Variants in HECW1 observed in about 807,000 individuals in gnomAD.
HECW1 encodes the protein E3 ubiquitin-protein ligase HECW1.
In HECW1, 61 loss-of-function variants were observed where a neutral mutation model predicts 182.3. That is an observed-to-expected ratio of 0.33 (90% CI 0.27 to 0.41). The LOEUF is 0.41. Ranked by LOEUF, HECW1 falls within the 10% of genes least tolerant of loss-of-function variation. HECW1 has a pLI of 1.00. For synonymous variants in HECW1, 859 were observed against 832.6 expected, an observed-to-expected ratio of 1.03 and a Z score of -0.55; for missense variants, 1,739 against 2,108.9, an observed-to-expected ratio of 0.82 and a Z score of 3.44.
chr7:43,251,367 T>C (rs1418835857), intron 3 of HECW1, among the ~76,000 whole-genome samples: 1 of 152,202 alleles, frequency 6.6e-6, no homozygotes, highest in Non-Finnish European at 1.5e-5. Context: ...TGGAGTGCGA[T>C]AGCGCGGCCT....
intron 13 of HECW1, among the ~76,000 whole-genome samples, chr7:43,463,274 G>A (rs1036164053): frequency 3.9e-5 from 6 of 152,162 alleles, no homozygotes; most frequent in African/African-American, 1.4e-4. Flanking sequence ...AGCCCAGTTT[G>A]TACACTTATT....
chr7:43,289,056 A>G (rs1805033005), intron 3 of HECW1, among the ~76,000 whole-genome samples: 2 of 151,660 alleles, frequency 1.3e-5, no homozygotes, highest in South Asian at 4.2e-4. Context: ...GCATTTCCCA[A>G]TTCCCATCCA....
chr7:43,370,953 T>C (rs1817274263), intron 6 of HECW1, among the ~76,000 whole-genome samples: 1 of 150,254 alleles, frequency 6.7e-6, no homozygotes, highest in South Asian at 2.1e-4. Context: ...AGTGGCGCAA[T>C]CTCGGCCCAC....
chr7:43,141,647 GCACCAC>G (rs1274434242), intron 2 of HECW1, among the ~76,000 whole-genome samples: 1 of 151,976 alleles, frequency 6.6e-6, no homozygotes, highest in Non-Finnish European at 1.5e-5. Context: ...TTACAGGCAT[GCACCAC>G]CACCCCGGCT....
At chr7:43,312,154 A>G (rs868855874) in intron 4 of HECW1, 67 bp downstream of exon 4, 1 of 1,326,430 alleles carries the variant, frequency 7.5e-7, no homozygotes, top group South Asian at 1.3e-5. Flanking sequence ...ATTTTAATAA[A>G]CTCTACAATA....
At chr7:43,423,818 G>A (rs750740840) in intron 8 of HECW1, among the ~76,000 whole-genome samples, 1 of 152,094 alleles carries the variant, frequency 6.6e-6, no homozygotes, top group Admixed American at 6.6e-5. Flanking sequence ...CTGGTGCCTC[G>A]TTCATTGATT....
At chr7:43,452,312 G>A (rs922399539) in intron 12 of HECW1, among the ~76,000 whole-genome samples, 1 of 152,174 alleles carries the variant, frequency 6.6e-6, no homozygotes, top group Admixed American at 6.5e-5. Context: ...TCGAATCTGT[G>A]CAGTACAGAT....
intron 11 of HECW1, among the ~76,000 whole-genome samples, chr7:43,450,556 T>C (rs1231615823): frequency 6.6e-6 from 1 of 152,202 alleles, no homozygotes; most frequent in Non-Finnish European, 1.5e-5. Context: ...ATTCAGGAAA[T>C]TCGGGTCATT....
At chr7:43,421,498 C>G (rs2076181959) in intron 8 of HECW1, among the ~76,000 whole-genome samples, 1 of 151,998 alleles carries the variant, frequency 6.6e-6, no homozygotes. Flanking sequence ...TAAGAGCAAG[C>G]CACAGAGTGG....
chr7:43,343,260 C>G (rs1249833250), intron 5 of HECW1, among the ~76,000 whole-genome samples: 1 of 106,528 alleles, frequency 9.4e-6, no homozygotes, highest in Non-Finnish European at 2.0e-5. Flanking sequence ...GTCTGGGCAA[C>G]AGTATTCTTT....
At chr7:43,140,436 C>G (rs902784149) in intron 2 of HECW1, among the ~76,000 whole-genome samples, 3 of 152,154 alleles carry the variant, frequency 2.0e-5, no homozygotes, top group African/African-American at 7.2e-5. Context: ...GAGCTATTTC[C>G]CATTGGTTAA....
intron 6 of HECW1, among the ~76,000 whole-genome samples, chr7:43,369,406 CA>C (rs972653603): frequency 6.6e-6 from 1 of 152,016 alleles, no homozygotes. Flanking sequence ...TACGGTGAGC[CA>C]AGATCACGCC....
chr7:43,119,695 T>C (rs991135408), intron 2 of HECW1, among the ~76,000 whole-genome samples: 1 of 127,900 alleles, frequency 7.8e-6, no homozygotes, highest in African/African-American at 3.2e-5. Flanking sequence ...CGATTTTTGC[T>C]CCCTAAACGT....
At chr7:43,415,841 T>C (rs1339129072) in intron 8 of HECW1, among the ~76,000 whole-genome samples, 1 of 139,234 alleles carries the variant, frequency 7.2e-6, no homozygotes, top group Non-Finnish European at 1.5e-5. Flanking sequence ...GGCTTCTGCA[T>C]TCTTCACGTA....
intron 3 of HECW1, among the ~76,000 whole-genome samples, chr7:43,298,878 G>C (rs1304815893): frequency 6.6e-6 from 1 of 152,188 alleles, no homozygotes; most frequent in Non-Finnish European, 1.5e-5. Flanking sequence ...TCTCTGGAGC[G>C]AGACCGCACT....
rs2077018795 is a variant in HECW1 at position 43,445,359 on chromosome 7, G to A, written c.2187G>A (p.Glu729=). 2.5e-6 allele frequency: 4 copies of A among 1,613,812 alleles called. No homozygotes were observed. Among genetic ancestry groups the A allele is most frequent in the Non-Finnish European group, 3.4e-6 (4 of 1,180,034 alleles). Residue 729 remains glutamate (E), a synonymous_variant, in exon 11 of 30, where the codon GAG becomes GAA. Coordinates refer to ENST00000395891, the MANE Select transcript of HECW1 (RefSeq NM_015052.5). ...FSSVDSAKIS[E]STVFSSQDDE... is the part of the protein sequence containing the mutation. ...CCGTGGACAGCGCCAAGATCTCCGA[G>A]AGCACGGTCTTCTCCTCGCAAGACG...
At chr7:43,489,913 C>G (rs973031056) in intron 17 of HECW1, among the ~76,000 whole-genome samples, 1 of 152,224 alleles carries the variant, frequency 6.6e-6, no homozygotes, top group African/African-American at 2.4e-5. Flanking sequence ...CTTTGTAGCA[C>G]TGGTCCTCAT....
At chr7:43,314,891 T>C (rs1310824681) in intron 4 of HECW1, among the ~76,000 whole-genome samples, 1 of 152,244 alleles carries the variant, frequency 6.6e-6, no homozygotes, top group African/African-American at 2.4e-5. Flanking sequence ...TTTCATCTCA[T>C]CTGTCATTTC....
At chr7:43,170,789 A>C (rs181862360) in intron 2 of HECW1, among the ~76,000 whole-genome samples, 2 of 152,308 alleles carry the variant, frequency 1.3e-5, no homozygotes, top group Admixed American at 1.3e-4. Flanking sequence ...GGCCCAGCTG[A>C]CCGTGCAAAG....
Sources: allele counts gnomAD v4.1 joint callset (sites outside exome capture counted in the v4.1 genomes callset), GRCh38; gene constraint gnomAD v4.1.1; transcripts MANE v1.5; gene names NCBI Gene and HGNC (gene_info 2026-07-23, HGNC 2026-07-21).